Variants in DOP1B observed in about 807,000 individuals in gnomAD.
DOP1B encodes the protein protein DOP1B.
DOP1B carries 174 observed loss-of-function variants against 233.5 expected under a neutral mutation model. That is an observed-to-expected ratio of 0.75 (90% CI 0.66 to 0.85). The LOEUF is 0.85. Among genes scored for constraint, DOP1B ranks in the 40% least tolerant of loss-of-function variants. DOP1B has a pLI of 0.00. For synonymous variants in DOP1B, 1,190 were observed against 1,185.6 expected (o/e 1.00, Z -0.08); for missense variants, 2,652 against 2,846.6 (o/e 0.93, Z 1.56).
chr21:36,192,833 G>A (rs980172659), intron 2 of DOP1B, among the ~76,000 whole-genome samples: 24 of 151,336 alleles, frequency 1.6e-4, no homozygotes, highest in African/African-American at 5.6e-4. Flanking sequence ...GACTACAGGC[G>A]CCCGCCACCA....
Position 36,211,622 on chromosome 21 carries a change from CTGTT to C in DOP1B, c.753_756del (p.Phe252SerfsTer34). 6.2e-7 allele frequency: 1 copy of C among 1,614,112 alleles called. No individual in the cohort carries two copies. Among genetic ancestry groups the C allele is most frequent in the Non-Finnish European group, 8.5e-7 (1 of 1,179,982 alleles). ...GCAAAGAAATAATCTGGAAATCGTT[CTGTT>C]TTTCTTCCCATTTTATACCTGTCTG... On this transcript the variant is annotated frameshift_variant, in exon 6 of 37. Coordinates refer to ENST00000691173, the MANE Select transcript of DOP1B (RefSeq NM_001320714.2). LOFTEE classifies it high-confidence loss of function.
chr21:36,280,047 G>A (rs2067398863), intron 30 of DOP1B, among the ~76,000 whole-genome samples: 2 of 152,096 alleles, frequency 1.3e-5, no homozygotes, highest in African/African-American at 4.8e-5. Context: ...TGCTAATTTT[G>A]TATTTTTAGT....
At position 36,219,372 on chromosome 21, in the gene DOP1B, G is replaced by A. The variant is rs1288574764; in HGVS notation, c.1130G>A (p.Gly377Glu). Residue 377 changes from glycine (G) to glutamate (E), a missense_variant and splice_region_variant, in exon 10 of 37, where the codon GGG becomes GAG. Coordinates refer to ENST00000691173, the MANE Select transcript of DOP1B (RefSeq NM_001320714.2). ...LISLLDKPEI[G>E]PQVVGNLFLE... ...CTGACCATCTTCCTTCTAATTACAGGGCCTCAAGTGGTTGGGAATTTGTTT... is the reference window on the plus strand; with the variant it reads ...CTGACCATCTTCCTTCTAATTACAGAGCCTCAAGTGGTTGGGAATTTGTTT... The A allele has an allele frequency of 6.2e-7, 1 of 1,613,986 alleles. No homozygotes were observed. Among genetic ancestry groups the A allele is most frequent in the Non-Finnish European group, 8.5e-7 (1 of 1,180,018 alleles).
chr21:36,166,058 G>T (rs2065908836), intron 2 of DOP1B, among the ~76,000 whole-genome samples: 1 of 151,606 alleles, frequency 6.6e-6, no homozygotes, highest in Non-Finnish European at 1.5e-5. Context: ...GATCTGAGGT[G>T]GTACAACAGC....
chr21:36,211,383 C>T (rs1017486363), intron 5 of DOP1B, among the ~76,000 whole-genome samples, 170 bp from the exon 6 acceptor site: 11 of 152,168 alleles, frequency 7.2e-5, no homozygotes, highest in African/African-American at 2.7e-4. Flanking sequence ...TCCGATGTCA[C>T]GCAGCCTGTG....
chr21:36,170,857 C>T (rs552419614), intron 2 of DOP1B, among the ~76,000 whole-genome samples: 4 of 151,608 alleles, frequency 2.6e-5, no homozygotes, highest in Non-Finnish European at 5.9e-5. Flanking sequence ...GATTCCCATC[C>T]CAAGGGTCTC....
intron 2 of DOP1B, among the ~76,000 whole-genome samples, chr21:36,173,867 TA>T (rs34655762): frequency 0.4 from 59,231 of 147,448 alleles, 12,179 homozygotes; most frequent in East Asian, 0.48. Flanking sequence ...TAAAGCTCTT[TA>T]AAAAAAAAAA....
intron 15 of DOP1B, 105 bp downstream of exon 15, chr21:36,233,180 T>A (rs1426986187): frequency 1.3e-5 from 18 of 1,403,646 alleles, no homozygotes; most frequent in Non-Finnish European, 1.7e-5. Flanking sequence ...TCTCTGAGAG[T>A]GATATTCTAT....
chr21:36,289,424 G>GGGGT (rs778627225), intron 35 of DOP1B, among the ~76,000 whole-genome samples: 1 of 144,952 alleles, frequency 6.9e-6, no homozygotes, highest in Non-Finnish European at 1.5e-5. Context: ...GTGTTTCTAT[G>GGGGT]GTGTGTGTGT....
chr21:36,227,987 T>G, intron 13 of DOP1B, 110 bp downstream of exon 13: 2 of 1,102,910 alleles, frequency 1.8e-6, no homozygotes, highest in Non-Finnish European at 1.2e-6. Context: ...GATGAGAAGA[T>G]ACCCAGGTGA....
At position 36,281,596 on chromosome 21, in the gene DOP1B, C is replaced by G. The variant is rs971569867; in HGVS notation, c.6145C>G (p.Leu2049Val). 7 of 1,595,428 alleles carry G rather than the reference C, an allele frequency of 4.4e-6. No individual in the cohort carries two copies. Among genetic ancestry groups the G allele is most frequent in the Non-Finnish European group, 6.0e-6 (7 of 1,164,972 alleles). ...SGELDQYHLY[L>V]PLIQERLTDN... Reference sequence around the variant, plus strand: ...AGAACTTGATCAATACCACCTTTACCTTCCACTGATACAAGGTAAGACAGC... The same window carrying G: ...AGAACTTGATCAATACCACCTTTACGTTCCACTGATACAAGGTAAGACAGC... Residue 2049 changes from leucine to valine, a missense_variant, in exon 32 of 37, where the codon CTT (leucine) becomes GTT (valine). By Grantham distance (32) the Leu-to-Val change is conservative (BLOSUM62 1). This residue lies in a region of DOP1B where 2,617 missense variants were observed against 2,794.3 expected (regional missense o/e 0.94). Coordinates refer to ENST00000691173, the MANE Select transcript of DOP1B (RefSeq NM_001320714.2).
At chr21:36,269,791 AG>A (rs996635152) in intron 26 of DOP1B, among the ~76,000 whole-genome samples, 32 of 152,204 alleles carry the variant, frequency 2.1e-4, no homozygotes, top group African/African-American at 7.2e-4. Context: ...AGCCTCCCAA[AG>A]TGCTGGGATT....
intron 33 of DOP1B, among the ~76,000 whole-genome samples, chr21:36,288,410 G>A (rs1012963885): frequency 2.0e-5 from 3 of 151,956 alleles, no homozygotes; most frequent in Non-Finnish European, 4.4e-5. Context: ...ATATAAATTT[G>A]GGCTGGGCGT....
chr21:36,251,374 C>G (rs2067031476), intron 22 of DOP1B, 90 bp downstream of exon 22: 1 of 1,487,752 alleles, frequency 6.7e-7, no homozygotes, highest in Non-Finnish European at 9.0e-7. Context: ...ACATTGGAAG[C>G]CAGCATGGGA....
In DOP1B at chr21:36,230,575, A is replaced by G. The variant is rs769814940; in HGVS notation, c.1791A>G (p.Ser597=). The G allele has an allele frequency of 3.7e-6, 6 of 1,614,032 alleles. No homozygotes were observed. Among genetic ancestry groups the G allele is most frequent in the Non-Finnish European group, 5.1e-6 (6 of 1,180,018 alleles). ...GTGGGATCGGGCTCAGTGCCTCGTCACCGGAGCTCTCTGAGCACTTGAGGG... is the reference window on the plus strand; with the variant it reads ...GTGGGATCGGGCTCAGTGCCTCGTCGCCGGAGCTCTCTGAGCACTTGAGGG... ...EDSGIGLSAS[S]PELSEHLRVP... Residue 597 remains serine, a synonymous_variant, in exon 14 of 37, where the codon TCA becomes TCG. Coordinates refer to ENST00000691173, the MANE Select transcript of DOP1B (RefSeq NM_001320714.2).
At chr21:36,191,783 T>C (rs2066237815) in intron 2 of DOP1B, among the ~76,000 whole-genome samples, 2 of 133,114 alleles carry the variant, frequency 1.5e-5, no homozygotes, top group Admixed American at 1.5e-4. Context: ...AGACTCTGTC[T>C]CAAAAAAAAA....
At chr21:36,272,226 A>G (rs970857851) in intron 27 of DOP1B, among the ~76,000 whole-genome samples, 43 of 145,410 alleles carry the variant, frequency 3.0e-4, no homozygotes, top group Non-Finnish European at 1.4e-4. Flanking sequence ...AGTGGCTCCC[A>G]CCTGTAATCC....
chr21:36,187,184 T>G (rs1311467160), intron 2 of DOP1B, among the ~76,000 whole-genome samples: 1 of 150,636 alleles, frequency 6.6e-6, no homozygotes, highest in Non-Finnish European at 1.5e-5. Context: ...TAGCTGGCTG[T>G]CCTGCCCCTC....
At chr21:36,212,131 G>A in intron 7 of DOP1B, 34 bp downstream of exon 7, 1 of 1,524,342 alleles carries the variant, frequency 6.6e-7, no homozygotes, top group Non-Finnish European at 8.8e-7. Flanking sequence ...TAAAGTCAAA[G>A]TTAATATGAA....
Sources: gnomAD v4.1 joint callset for allele counts (sites outside exome capture counted in the v4.1 genomes callset) on GRCh38, gnomAD v4.1.1 for gene constraint, gnomAD v4.1.1 regional missense constraint, MANE v1.5 for transcripts, NCBI Gene and HGNC (gene_info 2026-07-23, HGNC 2026-07-21) for gene names.